KAZN: variants seen among roughly 807,000 people sequenced by gnomAD.
The protein encoded by KAZN is kazrin.
A neutral mutation model predicts 87.4 loss-of-function variants in KAZN; 40 were observed. The ratio of observed to expected loss-of-function variants is 0.46; its 90% CI spans 0.36 to 0.60. KAZN has a LOEUF of 0.60. Ranked by LOEUF, KAZN falls within the 20% of genes least tolerant of loss-of-function variation. The pLI is 0.00. For synonymous variants in KAZN, 466 were observed against 458.3 expected, an observed-to-expected ratio of 1.02 and a Z score of -0.22; for missense variants, 898 against 1,073.9, an observed-to-expected ratio of 0.84 and a Z score of 2.29.
chr1:14,237,356 C>G (rs1648520865), intron 2 of KAZN, among the ~76,000 whole-genome samples: 1 of 152,098 alleles, frequency 6.6e-6, no homozygotes, highest in African/African-American at 2.4e-5. Flanking sequence ...CCAGCTGGCC[C>G]CTGAGTACCA....
chr1:14,060,410 G>A (rs1320187681), intron 1 of KAZN, among the ~76,000 whole-genome samples: 1 of 150,468 alleles, frequency 6.6e-6, no homozygotes, highest in Non-Finnish European at 1.5e-5. Flanking sequence ...TTCCCTACTT[G>A]CAATAAGAGC....
rs531152791 is a variant in KAZN, at chr1:14,727,942, A to G, written c.226+128719A>G. On this transcript the variant is annotated intron_variant, in intron 1 of 14. Transcript: ENST00000376030. ...ACTGGATTCTCCTAAGGAATCAGCAATTTAGATCCCTCATATGCGCAGTTC... is the reference window on the plus strand; with the variant it reads ...ACTGGATTCTCCTAAGGAATCAGCAGTTTAGATCCCTCATATGCGCAGTTC... Among the ~76,000 whole-genome samples, 7 of 152,138 alleles carry G rather than the reference A, an allele frequency of 4.6e-5. No homozygotes were observed. The East Asian group carries it at 9.7e-4, about 21-fold the overall frequency.
At position 15,043,675 on chromosome 1, in the gene KAZN, G is replaced by A. The variant is rs140228559; in HGVS notation, c.556-314G>A. 5.7e-3 allele frequency among the ~76,000 whole-genome samples: 697 copies of A among 122,196 alleles called. 8 individuals are homozygous for A. The highest frequency in any genetic ancestry group is 0.027 in the Middle Eastern group (5 of 182). 80.2% of individuals were successfully genotyped at this position (122,196 alleles called of 152,430 possible). A position where few individuals can be genotyped will look rare whatever the true frequency, so the allele number is the denominator to read the frequency against. On this transcript the variant is annotated intron_variant, in intron 3 of 14. Transcript: ENST00000376030. ...TTTTTTTTTTTTGAGACAGAGTCTC[G>A]CTCTGTCGCCCAGGCTGGAGTGCAG...
At chr1:14,098,389 G>A (rs1014124714) in intron 1 of KAZN, among the ~76,000 whole-genome samples, 1 of 152,170 alleles carries the variant, frequency 6.6e-6, no homozygotes, top group Non-Finnish European at 1.5e-5. Context: ...TATTTTGCCA[G>A]TGGTGGATGA....
intron 1 of KAZN, among the ~76,000 whole-genome samples, chr1:13,919,276 T>G (rs1639975146): frequency 6.6e-6 from 1 of 152,252 alleles, no homozygotes; most frequent in African/African-American, 2.4e-5. Flanking sequence ...TAGTTTTGCC[T>G]GTTTTTGACC....
chr1:14,584,792 G>A (rs1187103282), intron 2 of KAZN, among the ~76,000 whole-genome samples: 1 of 152,098 alleles, frequency 6.6e-6, no homozygotes, highest in African/African-American at 2.4e-5. Flanking sequence ...TTACAGGCAT[G>A]CACCACCACG....
intron 1 of KAZN, among the ~76,000 whole-genome samples, chr1:14,948,540 T>G (rs1057259996): frequency 1.3e-5 from 2 of 152,166 alleles, no homozygotes; most frequent in African/African-American, 4.8e-5. Flanking sequence ...GGTCATATTT[T>G]CATCCCTGAA....
chr1:14,404,311 T>C (rs566304538), intron 2 of KAZN, among the ~76,000 whole-genome samples: 2 of 152,330 alleles, frequency 1.3e-5, no homozygotes, highest in African/African-American at 4.8e-5. Context: ...TGTGCAAGCT[T>C]CCAACTTGCT....
At chr1:13,936,696 G>T (rs1269007327) in intron 1 of KAZN, among the ~76,000 whole-genome samples, 1 of 152,148 alleles carries the variant, frequency 6.6e-6, no homozygotes, top group African/African-American at 2.4e-5. Context: ...TGCTGCAAAA[G>T]ATATGATTTC....
At chr1:14,087,998 T>G (rs1165351382) in intron 1 of KAZN, among the ~76,000 whole-genome samples, 1 of 148,542 alleles carries the variant, frequency 6.7e-6, no homozygotes, top group Non-Finnish European at 1.5e-5. Flanking sequence ...CTTGCTGTTT[T>G]TTTTTTTTTT....
intron 1 of KAZN, among the ~76,000 whole-genome samples, chr1:13,979,301 GT>G (rs1326454934): frequency 6.6e-6 from 1 of 152,072 alleles, no homozygotes; most frequent in Non-Finnish European, 1.5e-5. Context: ...TTAAAAAGGT[GT>G]TTTAGCTTGA....
At chr1:14,117,047 C>T (rs2101689570) in intron 1 of KAZN, among the ~76,000 whole-genome samples, 1 of 152,320 alleles carries the variant, frequency 6.6e-6, no homozygotes, top group East Asian at 1.9e-4. Context: ...TTTGATTTTA[C>T]AGACTCATAG....
At chr1:14,420,024 A>G (rs1208637923) in intron 2 of KAZN, among the ~76,000 whole-genome samples, 1 of 152,168 alleles carries the variant, frequency 6.6e-6, no homozygotes, top group East Asian at 1.9e-4. Context: ...ACCCACCCAC[A>G]TCCTGCTGAT....
intron 1 of KAZN, among the ~76,000 whole-genome samples, chr1:14,711,742 G>T (rs1412021587): frequency 6.6e-6 from 1 of 152,220 alleles, no homozygotes; most frequent in African/African-American, 2.4e-5. Flanking sequence ...AGGTCAGTGA[G>T]CTTGGAAGCA....
chr1:14,023,993 T>C (rs1284861505), intron 1 of KAZN, among the ~76,000 whole-genome samples: 1 of 152,156 alleles, frequency 6.6e-6, no homozygotes, highest in Non-Finnish European at 1.5e-5. Flanking sequence ...CCGAACTTCT[T>C]ACACAGTAAA....
intron 2 of KAZN, among the ~76,000 whole-genome samples, chr1:14,297,439 C>T (rs10927406): frequency 0.41 from 62,438 of 151,952 alleles, 14,071 homozygotes; most frequent in Non-Finnish European, 0.52. Context: ...GGGACACTCA[C>T]CTTTTTATTT....
intron 2 of KAZN, among the ~76,000 whole-genome samples, chr1:14,502,429 T>A (rs1043576571): frequency 6.6e-6 from 1 of 152,192 alleles, no homozygotes; most frequent in African/African-American, 2.4e-5. Flanking sequence ...CCAGCATATA[T>A]GCATTTAGAA....
intron 2 of KAZN, among the ~76,000 whole-genome samples, chr1:15,030,730 C>A (rs1671610483): frequency 1.3e-5 from 2 of 152,230 alleles, no homozygotes; most frequent in African/African-American, 4.8e-5. Context: ...CAGAAGAGTC[C>A]TCTTTCCATG....
At chr1:14,989,213 C>T (rs765707104) in intron 2 of KAZN, among the ~76,000 whole-genome samples, 2 of 152,164 alleles carry the variant, frequency 1.3e-5, no homozygotes, top group Admixed American at 6.5e-5. Flanking sequence ...CGGTGGCTCA[C>T]GCCTGTAATC....
Sources: allele counts gnomAD v4.1 joint callset (sites outside exome capture counted in the v4.1 genomes callset), GRCh38; gene constraint gnomAD v4.1.1; transcripts MANE v1.5; gene names NCBI Gene and HGNC (gene_info 2026-07-23, HGNC 2026-07-21).